Variants in KRT80 observed in about 807,000 individuals in gnomAD.
The protein encoded by KRT80 is keratin, type II cytoskeletal 80.
Under a neutral mutation model 51.5 loss-of-function variants are expected in KRT80, and 36 were observed. That is an observed-to-expected ratio of 0.70 (90% CI 0.54 to 0.92). The LOEUF (loss-of-function observed/expected upper bound fraction) is 0.92. Among genes scored for constraint, KRT80 ranks in the 40% least tolerant of loss-of-function variants. KRT80 has a pLI of 0.00. For synonymous variants in KRT80, 235 were observed against 248.3 expected (o/e 0.95, Z 0.50); for missense variants, 566 against 591.7 (o/e 0.96, Z 0.45).
At chr12:52,179,234 G>C (rs375429244) in intron 4 of KRT80, among the ~76,000 whole-genome samples, 2 of 152,342 alleles carry the variant, frequency 1.3e-5, no homozygotes, top group Non-Finnish European at 1.5e-5. Context: ...ATCCAGCCCA[G>C]TGGAGACAGG....
chr12:52,182,591 G>A (rs371820428), intron 2 of KRT80, among the ~76,000 whole-genome samples: 2 of 152,172 alleles, frequency 1.3e-5, no homozygotes, highest in African/African-American at 4.8e-5. Flanking sequence ...CCTCTGCTTC[G>A]GCCTCAGGAA....
intron 2 of KRT80, among the ~76,000 whole-genome samples, chr12:52,181,971 C>T (rs1203265498): frequency 2.0e-5 from 3 of 152,252 alleles, no homozygotes; most frequent in East Asian, 1.9e-4. Context: ...AGCAGGGCTG[C>T]GTCACTCATC....
At chr12:52,183,039 C>G (rs1941349014) in intron 2 of KRT80, among the ~76,000 whole-genome samples, 1 of 152,220 alleles carries the variant, frequency 6.6e-6, no homozygotes, top group African/African-American at 2.4e-5. Flanking sequence ...TCCCTATCCA[C>G]CGCCTGAATC....
At chr12:52,175,230 G>A (rs1317840806) in intron 4 of KRT80, among the ~76,000 whole-genome samples, 5 of 151,956 alleles carry the variant, frequency 3.3e-5, no homozygotes, top group Non-Finnish European at 5.9e-5. Flanking sequence ...TTTGTTCTTT[G>A]CCATTGTTCT....
intron 1 of KRT80, among the ~76,000 whole-genome samples, chr12:52,186,053 C>T (rs55829011): frequency 1.1e-4 from 16 of 152,028 alleles, no homozygotes; most frequent in African/African-American, 3.1e-4. Context: ...CTCATCCTCT[C>T]GATGACAGAG....
chr12:52,179,165 C>A (rs1326617691), intron 4 of KRT80, among the ~76,000 whole-genome samples: 2 of 152,232 alleles, frequency 1.3e-5, no homozygotes, highest in African/African-American at 4.8e-5. Flanking sequence ...TCTGCACTCA[C>A]CCATGGACTC....
intron 8 of KRT80, 31 bp from the exon 9 acceptor site, chr12:52,171,553 AG>A: frequency 6.2e-7 from 1 of 1,613,756 alleles, no homozygotes; most frequent in Non-Finnish European, 8.5e-7. Flanking sequence ...AGGGGAGGGA[AG>A]GGGCTGGAGG....
intron 3 of KRT80, 138 bp from the exon 4 acceptor site, chr12:52,180,746 TGGATGG>T (rs1565695820): frequency 1.3e-6 from 2 of 1,588,030 alleles, no homozygotes; most frequent in Admixed American, 3.6e-5. Context: ...AAAAAGGAGC[TGGATGG>T]GGATGGGGGT....
At chr12:52,188,983 AG>A (rs376106574) in intron 1 of KRT80, among the ~76,000 whole-genome samples, 1 of 152,296 alleles carries the variant, frequency 6.6e-6, no homozygotes, top group African/African-American at 2.4e-5. Flanking sequence ...GGCAGAGCAG[AG>A]CAGTGGAATC....
In KRT80 at chr12:52,171,642, G is replaced by A; in HGVS notation, c.1234+16C>T. On this transcript the variant is annotated intron_variant, in intron 8 of 8. Transcript: ENST00000394815. ...ACCCTCACCCCACCATGGGTTCTCGGGGCAAGAGGACTCACCGGTTTTGCA... is the reference window on the plus strand; with the variant it reads ...ACCCTCACCCCACCATGGGTTCTCGAGGCAAGAGGACTCACCGGTTTTGCA... The A allele has an allele frequency of 6.3e-7, 1 of 1,595,066 alleles. No homozygotes were observed. Among genetic ancestry groups the A allele is most frequent in the Non-Finnish European group, 8.5e-7 (1 of 1,171,422 alleles).
chr12:52,177,293 C>T lies in KRT80; in HGVS notation c.666+3220G>A, dbSNP rs368768766. Reference sequence around the variant, plus strand: ...GTTCAGGGGCAGAGCAGCCTATTCTCGGGGCAGCCTCCATGCAAAAGTTTA... The same window carrying T: ...GTTCAGGGGCAGAGCAGCCTATTCTTGGGGCAGCCTCCATGCAAAAGTTTA... On this transcript the variant is annotated intron_variant, in intron 4 of 8. Coordinates refer to ENST00000394815, the MANE Select transcript of KRT80 (RefSeq NM_182507.3). Among the ~76,000 whole-genome samples, 9 of 152,256 alleles carry T rather than the reference C, an allele frequency of 5.9e-5. No individual in the cohort carries two copies. In the South Asian group the frequency reaches 6.2e-4, roughly 11 times the overall value.
At position 52,191,827 on chromosome 12, in the gene KRT80, G is replaced by A. The variant is rs1941486080; in HGVS notation, c.76C>T (p.Pro26Ser). 6.3e-7 allele frequency: 1 copy of A among 1,588,220 alleles called. No individual in the cohort carries two copies. The highest frequency in any genetic ancestry group is 8.6e-7 in the Non-Finnish European group (1 of 1,165,200). Residue 26 changes from proline to serine, a missense_variant, in exon 1 of 9, where the codon CCT (proline) becomes TCT (serine). Coordinates refer to ENST00000394815, the MANE Select transcript of KRT80 (RefSeq NM_182507.3). ...CEVTPVGSPR[P>S]GTSGWDSCRA... The stretch of plus-strand genomic sequence containing the variant: ...CAGCTGTCCCATCCTGAGGTTCCAG[G>A]CCGGGGGCTGCCCACCGGGGTCACC...
intron 2 of KRT80, among the ~76,000 whole-genome samples, chr12:52,181,497 C>T (rs1342765399): frequency 6.6e-6 from 1 of 151,834 alleles, no homozygotes; most frequent in Non-Finnish European, 1.5e-5. Flanking sequence ...ACTTTGCTGT[C>T]AGAGGGACCC....
In KRT80 at chr12:52,180,894, G is replaced by A. The variant is rs746585913; in HGVS notation, c.570+9C>T. ...GGAAGGAGCCCCTGGGGCAGGCTGG[G>A]CAGGCTACCTTCTTCAGCTGAACAA... is the stretch of plus-strand genomic sequence containing the variant. On this transcript the variant is annotated intron_variant, in intron 3 of 8. Transcript: ENST00000394815. 1.9e-6 allele frequency: 3 copies of A among 1,597,472 alleles called. No homozygotes were observed. The highest frequency in any genetic ancestry group is 1.7e-6 in the Non-Finnish European group (2 of 1,174,434).
intron 1 of KRT80, among the ~76,000 whole-genome samples, chr12:52,188,576 C>A (rs1011170063): frequency 6.6e-6 from 1 of 152,220 alleles, no homozygotes; most frequent in Non-Finnish European, 1.5e-5. Context: ...CAAAGACTCA[C>A]GAGCAGTGGC....
chr12:52,188,838 G>A (rs1369714039), intron 1 of KRT80, among the ~76,000 whole-genome samples: 1 of 152,186 alleles, frequency 6.6e-6, no homozygotes, highest in Non-Finnish European at 1.5e-5. Flanking sequence ...CCAGCCAGCA[G>A]CCTCTGCTGG....
intron 4 of KRT80, among the ~76,000 whole-genome samples, chr12:52,175,537 A>G (rs1941203008): frequency 6.6e-6 from 1 of 152,016 alleles, no homozygotes; most frequent in African/African-American, 2.4e-5. Context: ...GCTGTAGACG[A>G]CAGGGATGAG....
chr12:52,177,293 C>G (rs368768766), intron 4 of KRT80, among the ~76,000 whole-genome samples: 1 of 152,138 alleles, frequency 6.6e-6, no homozygotes, highest in African/African-American at 2.4e-5. Context: ...AGCCTATTCT[C>G]GGGGCAGCCT....
Position 52,172,300 on chromosome 12 carries a change from A to G in KRT80, c.1076T>C (p.Met359Thr). The stretch of plus-strand genomic sequence containing the variant: ...CTGGTACTTGCGCAGCTGCCGCGCC[A>G]TGTCCTGCTTGGCCTGCTGCAGGGC... ...EAALQQAKQDMARQLRKYQEL... is the reference protein window; with the variant it reads ...EAALQQAKQDTARQLRKYQEL... The change falls in exon 7 of 9, where the codon ATG (methionine) becomes ACG (threonine). Residue 359 changes from methionine (M) to threonine (T), a missense_variant. Physicochemically the swap from Met to Thr is moderately conservative, Grantham distance 81 (BLOSUM62 -1). Transcript: ENST00000394815. 5 of 1,613,966 alleles carry G rather than the reference A, an allele frequency of 3.1e-6. No homozygotes were observed. Among genetic ancestry groups the G allele is most frequent in the Non-Finnish European group, 3.4e-6 (4 of 1,179,892 alleles).
Sources: allele counts gnomAD v4.1 joint callset (sites outside exome capture counted in the v4.1 genomes callset), GRCh38; gene constraint gnomAD v4.1.1; transcripts MANE v1.5; gene names NCBI Gene and HGNC (gene_info 2026-07-23, HGNC 2026-07-21).